ODAD2: variants seen among roughly 807,000 people sequenced by gnomAD.
The protein encoded by ODAD2 is outer dynein arm-docking complex subunit 2.
Under a neutral mutation model 106.8 loss-of-function variants are expected in ODAD2, and 89 were observed. That is an observed-to-expected ratio of 0.83 (90% CI 0.70 to 0.99). The LOEUF (loss-of-function observed/expected upper bound fraction) is 0.99. ODAD2 is among the 50% of genes least tolerant of loss of function. The pLI, the probability that ODAD2 is intolerant of heterozygous loss-of-function variation, is 0.00. For synonymous variants in ODAD2, 404 were observed against 436.2 expected (o/e 0.93, Z 0.92); for missense variants, 1,168 against 1,238.5 (o/e 0.94, Z 0.85).
rs1564385193 is a variant in ODAD2, at chr10:27,812,279, T to G, written c.*233A>C. The G allele has an allele frequency of 2.0e-6, 1 of 506,090 alleles. No homozygotes were observed. Among genetic ancestry groups the G allele is most frequent in the Non-Finnish European group, 3.4e-6 (1 of 292,412 alleles). The allele number at this position is 506,090 out of a possible 1,614,324, so 31.3% of individuals were successfully genotyped here. Reference sequence around the variant, plus strand: ...ATATTCTTAGAAACTTATCACAGGTTTATTGGCTTTCCATCTTATCACATG... The same window carrying G: ...ATATTCTTAGAAACTTATCACAGGTGTATTGGCTTTCCATCTTATCACATG... On this transcript the variant is annotated 3_prime_UTR_variant, in exon 20 of 20. Transcript: ENST00000305242.
intron 17 of ODAD2, among the ~76,000 whole-genome samples, chr10:27,899,529 C>T (rs951756678): frequency 2.0e-5 from 3 of 152,134 alleles, no homozygotes; most frequent in Non-Finnish European, 4.4e-5. Flanking sequence ...CAGCAGATCC[C>T]ACTCCCACGG....
chr10:27,884,030 C>T (rs376915930), intron 17 of ODAD2, among the ~76,000 whole-genome samples: 1 of 151,618 alleles, frequency 6.6e-6, no homozygotes, highest in African/African-American at 2.4e-5. Context: ...AAATAATGGC[C>T]AAAAGTTCTC....
At position 27,872,445 on chromosome 10, in the gene ODAD2, G is replaced by T. The variant is rs190236247; in HGVS notation, c.2611-9823C>A. Among the ~76,000 whole-genome samples the T allele has an allele frequency of 7.2e-5, 11 of 151,842 alleles. No individual in the cohort carries two copies. In the East Asian group the frequency reaches 2.1e-3, roughly 29 times the overall value. ...CCCTGTCTTGTGCCAGTTTTCAAAG[G>T]GAATGCTTCCAGTTTTTGCCCATTC... is the stretch of plus-strand genomic sequence containing the variant. On this transcript the variant is annotated intron_variant, in intron 17 of 19. Transcript: ENST00000305242.
At chr10:27,817,039 C>T (rs938666776) in intron 19 of ODAD2, among the ~76,000 whole-genome samples, 30 of 152,170 alleles carry the variant, frequency 2.0e-4, no homozygotes, top group African/African-American at 6.3e-4. Context: ...CATGAGCCAC[C>T]GTGCCCGGCC....
chr10:27,983,979 T>C lies in ODAD2; in HGVS notation c.683A>G (p.Asp228Gly). ...TCGACATCCATTTGAAAATTCATAA[T>C]CTGAAACCAATCATCAAGCAATTAA... The part of the protein sequence containing the change: ...TVLESIEYTS[D>G]YEFSNGCRAP... The change falls in exon 6 of 20, where the codon GAT (aspartate) becomes GGT (glycine). Residue 228 changes from aspartate to glycine, a missense_variant and splice_region_variant. Asp to Gly is a moderately conservative substitution (Grantham distance 94). Around this residue, in one of 3 missense-constraint regions of ODAD2, gnomAD observed 430 missense variants for 452.2 expected, o/e 0.95. Coordinates refer to ENST00000305242, the MANE Select transcript of ODAD2 (RefSeq NM_018076.5). The C allele has an allele frequency of 1.2e-6, 2 of 1,606,312 alleles. No homozygotes were observed. The highest frequency in any genetic ancestry group is 2.2e-5 in the East Asian group (1 of 44,848).
chr10:27,996,324 C>A (rs559118582), intron 1 of ODAD2, among the ~76,000 whole-genome samples: 1 of 152,238 alleles, frequency 6.6e-6, no homozygotes, highest in South Asian at 2.1e-4. Flanking sequence ...ACATTCTGTA[C>A]TGTATTAAAT....
intron 19 of ODAD2, among the ~76,000 whole-genome samples, chr10:27,859,150 T>A (rs113589832): frequency 3.3e-5 from 5 of 152,166 alleles, no homozygotes; most frequent in African/African-American, 1.2e-4. Context: ...CTTTTTGAAA[T>A]GGGAACGCAG....
At chr10:27,896,188 C>T (rs962412629) in intron 17 of ODAD2, among the ~76,000 whole-genome samples, 3 of 152,144 alleles carry the variant, frequency 2.0e-5, no homozygotes, top group African/African-American at 7.2e-5. Context: ...ATATTATACA[C>T]GTCAATGAAA....
In ODAD2 at chr10:27,993,478, C is replaced by G. The variant is rs1301115429; in HGVS notation, c.224+1441G>C. 5.9e-5 allele frequency among the ~76,000 whole-genome samples: 9 copies of G among 151,888 alleles called. No homozygotes were observed. The East Asian group carries it at 1.7e-3, about 30-fold the overall frequency. On this transcript the variant is annotated intron_variant, in intron 2 of 19. Transcript: ENST00000305242. ...CAGCCTGGGCAACATGGGGAAACCC[C>G]GTCTCTACTAAAATACAAAAAATTA...
At chr10:27,857,769 C>T (rs373687631) in intron 19 of ODAD2, among the ~76,000 whole-genome samples, 3 of 152,178 alleles carry the variant, frequency 2.0e-5, no homozygotes, top group South Asian at 4.1e-4. Context: ...AATTGTCTAA[C>T]AAAGCAGCTA....
chr10:27,865,240 C>T (rs1353105286), intron 17 of ODAD2, among the ~76,000 whole-genome samples: 1 of 152,200 alleles, frequency 6.6e-6, no homozygotes, highest in Non-Finnish European at 1.5e-5. Flanking sequence ...AATAAGAACC[C>T]TGGCACTCAT....
At chr10:27,870,460 T>G (rs796461531) in intron 17 of ODAD2, among the ~76,000 whole-genome samples, 53 of 152,080 alleles carry the variant, frequency 3.5e-4, no homozygotes, top group African/African-American at 1.1e-3. Flanking sequence ...ACCCATTAAC[T>G]CGTCATTTAC....
intron 17 of ODAD2, among the ~76,000 whole-genome samples, chr10:27,907,444 G>C (rs1843679036): frequency 1.3e-5 from 2 of 152,118 alleles, no homozygotes; most frequent in Admixed American, 1.3e-4. Flanking sequence ...GCTAGAATTT[G>C]GCAAGCACTG....
chr10:27,848,788 G>A (rs1320952454), intron 19 of ODAD2, among the ~76,000 whole-genome samples: 3 of 152,172 alleles, frequency 2.0e-5, no homozygotes, highest in Non-Finnish European at 2.9e-5. Flanking sequence ...GAAGCCAATA[G>A]ACACACGAGA....
intron 7 of ODAD2, among the ~76,000 whole-genome samples, chr10:27,971,676 T>C (rs1848874793): frequency 6.6e-6 from 1 of 152,162 alleles, no homozygotes; most frequent in African/African-American, 2.4e-5. Flanking sequence ...TAGACAGGTA[T>C]GACATATTAC....
At chr10:27,901,056 C>T (rs1843166500) in intron 17 of ODAD2, among the ~76,000 whole-genome samples, 1 of 152,090 alleles carries the variant, frequency 6.6e-6, no homozygotes, top group South Asian at 2.1e-4. Context: ...CTTAAGGCAG[C>T]CAGAGAGAAA....
intron 12 of ODAD2, among the ~76,000 whole-genome samples, chr10:27,943,938 A>G (rs1031618302): frequency 1.3e-5 from 2 of 151,622 alleles, no homozygotes; most frequent in African/African-American, 4.8e-5. Context: ...CCATGCATGT[A>G]TACTTGGATG....
intron 17 of ODAD2, among the ~76,000 whole-genome samples, chr10:27,904,530 AT>A (rs1302462400): frequency 1.3e-5 from 2 of 152,214 alleles, no homozygotes; most frequent in Non-Finnish European, 2.9e-5. Flanking sequence ...TGCCTCTGAG[AT>A]TTGACTTGCC....
chr10:27,991,202 T>G (rs1432488278), intron 2 of ODAD2, among the ~76,000 whole-genome samples: 2 of 152,176 alleles, frequency 1.3e-5, no homozygotes, highest in Non-Finnish European at 2.9e-5. Flanking sequence ...TTGCAAATGA[T>G]AATACAAAGA....
Sources: gnomAD v4.1 joint callset for allele counts (sites outside exome capture counted in the v4.1 genomes callset) on GRCh38, gnomAD v4.1.1 for gene constraint, gnomAD v4.1.1 regional missense constraint, MANE v1.5 for transcripts, NCBI Gene and HGNC (gene_info 2026-07-23, HGNC 2026-07-21) for gene names.